COL26A1: variants seen among roughly 807,000 people sequenced by gnomAD.
COL26A1 encodes the protein collagen alpha-1(XXVI) chain.
A neutral mutation model predicts 59.3 loss-of-function variants in COL26A1; 41 were observed. The observed-to-expected ratio is 0.69, with a 90% CI of 0.54 to 0.90. The LOEUF is 0.90. Among genes scored for constraint, COL26A1 ranks in the 40% least tolerant of loss-of-function variants. The pLI, the probability that COL26A1 is intolerant of heterozygous loss-of-function variation, is 0.00. For missense variants in COL26A1, 612 were observed against 602.3 expected, an observed-to-expected ratio of 1.02 and a Z score of -0.17; for synonymous variants, 266 against 256.0, an observed-to-expected ratio of 1.04 and a Z score of -0.37.
chr7:101,380,269 C>A (rs929171682), intron 1 of COL26A1, among the ~76,000 whole-genome samples: 3 of 149,858 alleles, frequency 2.0e-5, no homozygotes, highest in African/African-American at 7.3e-5. Flanking sequence ...GGATTACAGG[C>A]GTAAGCTACT....
At chr7:101,423,626 T>C (rs1054938284) in intron 2 of COL26A1, among the ~76,000 whole-genome samples, 1 of 151,872 alleles carries the variant, frequency 6.6e-6, no homozygotes, top group African/African-American at 2.4e-5. Context: ...TCCCAGCTAC[T>C]TGGGAGGCTG....
intron 4 of COL26A1, among the ~76,000 whole-genome samples, chr7:101,538,437 G>A (rs1795530071): frequency 6.6e-6 from 1 of 152,232 alleles, no homozygotes; most frequent in Non-Finnish European, 1.5e-5. Flanking sequence ...CATTTGCTGG[G>A]TGATCTCAGG....
At chr7:101,399,480 C>T (rs1791941429) in intron 1 of COL26A1, among the ~76,000 whole-genome samples, 1 of 152,090 alleles carries the variant, frequency 6.6e-6, no homozygotes, top group African/African-American at 2.4e-5. Flanking sequence ...TGCACCACCA[C>T]ACCTGGCTAA....
At chr7:101,442,748 G>T (rs1048905146) in intron 2 of COL26A1, among the ~76,000 whole-genome samples, 1 of 152,168 alleles carries the variant, frequency 6.6e-6, no homozygotes, top group African/African-American at 2.4e-5. Flanking sequence ...TTATCCAAGC[G>T]TGTGAATAGG....
chr7:101,495,552 G>A (rs1310196234), intron 3 of COL26A1, among the ~76,000 whole-genome samples: 1 of 151,930 alleles, frequency 6.6e-6, no homozygotes, highest in Non-Finnish European at 1.5e-5. Flanking sequence ...AGGACTACAG[G>A]CACCCACCAC....
intron 2 of COL26A1, among the ~76,000 whole-genome samples, chr7:101,437,816 T>G (rs1348055811): frequency 6.6e-6 from 1 of 151,392 alleles, no homozygotes; most frequent in African/African-American, 2.4e-5. Context: ...ACTCAAGCAA[T>G]CTTCCCACCT....
At position 101,451,707 on chromosome 7, in the gene COL26A1, C is replaced by CTT. The variant is rs60481013; in HGVS notation, c.385+3936_385+3937dup. Among the ~76,000 whole-genome samples, 178 of 139,142 alleles carry CTT rather than the reference C, an allele frequency of 1.3e-3. 2 individuals are homozygous for CTT. The highest frequency in any genetic ancestry group is 4.1e-3 in the African/African-American group (156 of 38,192). 91.3% of individuals were successfully genotyped at this position (139,142 alleles called of 152,430 possible). A position where few individuals can be genotyped will look rare whatever the true frequency, so the allele number is the denominator to read the frequency against. On this transcript the variant is annotated intron_variant, in intron 3 of 12. Transcript: ENST00000313669. ...TCTACTGAAAAGAAATCATTTGCAT[C>CTT]TTTTTTTTTTTTTTTTTGACGGAGT...
intron 11 of COL26A1, among the ~76,000 whole-genome samples, chr7:101,554,127 G>C (rs13236236): frequency 0.26 from 40,057 of 152,020 alleles, 5,590 homozygotes; most frequent in South Asian, 0.33. Context: ...GAGGACAGCA[G>C]TGATTGCCAG....
At chr7:101,434,983 G>A (rs1371995009) in intron 2 of COL26A1, among the ~76,000 whole-genome samples, 2 of 152,126 alleles carry the variant, frequency 1.3e-5, no homozygotes, top group Admixed American at 1.3e-4. Context: ...AGAGACCTGG[G>A]GGACTAGGAG....
intron 1 of COL26A1, among the ~76,000 whole-genome samples, chr7:101,391,645 C>T (rs1791730984): frequency 6.6e-6 from 1 of 152,188 alleles, no homozygotes; most frequent in South Asian, 2.1e-4. Context: ...CTGCAACCTC[C>T]ACCTCCCAGG....
At chr7:101,470,112 T>G (rs1283836984) in intron 3 of COL26A1, among the ~76,000 whole-genome samples, 2 of 151,296 alleles carry the variant, frequency 1.3e-5, no homozygotes, top group Non-Finnish European at 3.0e-5. Context: ...TTTTGTTTTT[T>G]TTTTTTTTTC....
chr7:101,384,238 T>TTTG (rs913610124), intron 1 of COL26A1, among the ~76,000 whole-genome samples: 11 of 141,170 alleles, frequency 7.8e-5, no homozygotes, highest in East Asian at 2.3e-4. Context: ...TGGTTTTTTT[T>TTTG]TTTTTTTTTT....
At chr7:101,377,161 C>CTT (rs1267497385) in intron 1 of COL26A1, among the ~76,000 whole-genome samples, 138 of 151,324 alleles carry the variant, frequency 9.1e-4, no homozygotes, top group African/African-American at 3.3e-3. Flanking sequence ...GCCTGGCCTT[C>CTT]TTTTCTTTTT....
chr7:101,489,893 T>C (rs1794414475), intron 3 of COL26A1, among the ~76,000 whole-genome samples: 1 of 92,630 alleles, frequency 1.1e-5, no homozygotes, highest in African/African-American at 4.4e-5. Context: ...TTTCTTTCTT[T>C]CTTTCTTTCT....
intron 3 of COL26A1, among the ~76,000 whole-genome samples, chr7:101,522,475 G>C (rs1016687648): frequency 9.9e-5 from 15 of 152,192 alleles, no homozygotes; most frequent in African/African-American, 3.6e-4. Context: ...ATCTGGTGAG[G>C]CTTCCTCACC....
At chr7:101,420,229 C>A in intron 2 of COL26A1, 130 bp downstream of exon 2, 1 of 1,068,696 alleles carries the variant, frequency 9.4e-7, no homozygotes, top group East Asian at 2.5e-5. Flanking sequence ...TTATGGAGCA[C>A]CTTCTGTATA....
At chr7:101,510,818 C>T (rs1794905305) in intron 3 of COL26A1, among the ~76,000 whole-genome samples, 1 of 152,014 alleles carries the variant, frequency 6.6e-6, no homozygotes, top group African/African-American at 2.4e-5. Flanking sequence ...CTGTGTCTGG[C>T]TAATGGGGGC....
intron 11 of COL26A1, among the ~76,000 whole-genome samples, chr7:101,553,822 T>G (rs934101773): frequency 1.3e-5 from 2 of 151,340 alleles, no homozygotes; most frequent in African/African-American, 4.9e-5. Context: ...TGGTAGAGGA[T>G]GGATGGAGGA....
intron 3 of COL26A1, among the ~76,000 whole-genome samples, chr7:101,463,636 T>TTCCATCCTTCCATCCTTCCATCCTTCCA (rs1323684523): frequency 3.8e-4 from 19 of 50,488 alleles, no homozygotes; most frequent in African/African-American, 1.5e-3. Context: ...TCTTCCTTCC[T>TTCCATCCTTCCATCCTTCCATCCTTCCA]TCCTTCCATC....
Sources: gnomAD v4.1 joint callset for allele counts (sites outside exome capture counted in the v4.1 genomes callset) on GRCh38, gnomAD v4.1.1 for gene constraint, MANE v1.5 for transcripts, NCBI Gene and HGNC (gene_info 2026-07-23, HGNC 2026-07-21) for gene names.